Variants in BBS9 observed in about 807,000 individuals in gnomAD.
BBS9 encodes the protein protein PTHB1.
In BBS9, 89 loss-of-function variants were observed where a neutral mutation model predicts 117.7. The ratio of observed to expected loss-of-function variants is 0.76; its 90% CI spans 0.64 to 0.90. The LOEUF is 0.90. Among genes scored for constraint, BBS9 ranks in the 40% least tolerant of loss-of-function variants. BBS9 has a pLI of 0.00. For synonymous variants in BBS9, 379 were observed against 370.9 expected, an observed-to-expected ratio of 1.02 and a Z score of -0.25; for missense variants, 982 against 1,042.2, an observed-to-expected ratio of 0.94 and a Z score of 0.80.
intron 21 of BBS9, among the ~76,000 whole-genome samples, chr7:33,589,388 T>G (rs1861493423): frequency 2.0e-5 from 3 of 152,122 alleles, no homozygotes; most frequent in Non-Finnish European, 4.4e-5. Context: ...TCTGGAATTT[T>G]TTATTTAATA....
chr7:33,170,563 C>T (rs1415970373), intron 4 of BBS9, among the ~76,000 whole-genome samples: 1 of 150,632 alleles, frequency 6.6e-6, no homozygotes, highest in Admixed American at 6.6e-5. Flanking sequence ...TGCCCTCTCT[C>T]ACCACTCCTA....
In BBS9 at chr7:33,273,956, A is replaced by G. The variant is rs763593328; in HGVS notation, c.1016A>G (p.His339Arg). ...IPVAVRVGCL[H>R]DLKGVIVTLS... ...GTAGCAGTAAGAGTGGGCTGTTTGC[A>G]GTAAGTGATTTAATTTAACACAGTT... The change falls in exon 9 of 23, where the codon CAT becomes CGT. Residue 339 changes from histidine (H) to arginine (R), a missense_variant and splice_region_variant. Physicochemically the swap from His to Arg is conservative, Grantham distance 29. Transcript: ENST00000242067. 1.2e-6 allele frequency: 2 copies of G among 1,613,758 alleles called. No individual in the cohort carries two copies. Among genetic ancestry groups the G allele is most frequent in the South Asian group, 1.1e-5 (1 of 91,070 alleles).
chr7:33,529,800 A>C (rs1850285287), intron 20 of BBS9, among the ~76,000 whole-genome samples: 1 of 152,188 alleles, frequency 6.6e-6, no homozygotes, highest in Non-Finnish European at 1.5e-5. Context: ...ATATTTCCCA[A>C]ATTAAGATTT....
chr7:33,217,283 A>G (rs1789267293), intron 5 of BBS9, among the ~76,000 whole-genome samples: 1 of 151,958 alleles, frequency 6.6e-6, no homozygotes, highest in Non-Finnish European at 1.5e-5. Flanking sequence ...ATGTTGATGT[A>G]TTTATGGTAT....
At chr7:33,488,700 A>G (rs895470668) in intron 19 of BBS9, among the ~76,000 whole-genome samples, 1 of 152,210 alleles carries the variant, frequency 6.6e-6, no homozygotes, top group Non-Finnish European at 1.5e-5. Flanking sequence ...CTCAAAAAAC[A>G]TGTAATCTAA....
intron 19 of BBS9, among the ~76,000 whole-genome samples, chr7:33,400,649 A>T (rs930295016): frequency 4.6e-5 from 7 of 152,206 alleles, no homozygotes; most frequent in African/African-American, 1.7e-4. Flanking sequence ...TCAGCAAAAG[A>T]AAAAGATGTA....
At chr7:33,138,049 C>A (rs1236935754) in intron 1 of BBS9, among the ~76,000 whole-genome samples, 2 of 152,146 alleles carry the variant, frequency 1.3e-5, no homozygotes, top group Non-Finnish European at 2.9e-5. Flanking sequence ...ATAAAGCAAA[C>A]AAACAACACA....
At chr7:33,200,037 T>C (rs1785581990) in intron 5 of BBS9, among the ~76,000 whole-genome samples, 1 of 151,920 alleles carries the variant, frequency 6.6e-6, no homozygotes, top group Non-Finnish European at 1.5e-5. Context: ...GATGGTTCAC[T>C]CCTTATCTCT....
chr7:33,246,746 G>T (rs934983549), intron 5 of BBS9, among the ~76,000 whole-genome samples: 1 of 152,054 alleles, frequency 6.6e-6, no homozygotes, highest in African/African-American at 2.4e-5. Flanking sequence ...GAGTCATCCT[G>T]TAAGAAAATA....
intron 9 of BBS9, among the ~76,000 whole-genome samples, chr7:33,303,612 G>A (rs1164904221): frequency 7.3e-6 from 1 of 137,340 alleles, no homozygotes; most frequent in African/African-American, 2.8e-5. Flanking sequence ...TCCCTGCCTC[G>A]GGCTCCCATG....
At chr7:33,377,558 C>T (rs1467445765) in intron 17 of BBS9, among the ~76,000 whole-genome samples, 1 of 152,010 alleles carries the variant, frequency 6.6e-6, no homozygotes, top group Non-Finnish European at 1.5e-5. Context: ...CTCTTGAAGA[C>T]TGTCATTGGT....
At chr7:33,572,790 T>C (rs1858038749) in intron 21 of BBS9, among the ~76,000 whole-genome samples, 1 of 152,094 alleles carries the variant, frequency 6.6e-6, no homozygotes, top group South Asian at 2.1e-4. Flanking sequence ...AATTGGATTT[T>C]CTTTCTTTTT....
At chr7:33,492,222 A>AAAC (rs1844067848) in intron 19 of BBS9, among the ~76,000 whole-genome samples, 1 of 143,292 alleles carries the variant, frequency 7.0e-6, no homozygotes, top group Admixed American at 7.0e-5. Flanking sequence ...AACAAAAAAA[A>AAAC]AACAAAAAAA....
intron 19 of BBS9, among the ~76,000 whole-genome samples, chr7:33,418,450 C>T (rs1032612991): frequency 2.6e-4 from 39 of 152,160 alleles, no homozygotes; most frequent in African/African-American, 8.9e-4. Flanking sequence ...AGCTCAGACT[C>T]GTGTTCTATT....
chr7:33,613,522 G>A (rs757768631), intron 21 of BBS9, among the ~76,000 whole-genome samples: 1 of 151,948 alleles, frequency 6.6e-6, no homozygotes, highest in Non-Finnish European at 1.5e-5. Context: ...AAGGCTGTGA[G>A]GGGAGGGTTG....
At chr7:33,205,670 C>A (rs568394242) in intron 5 of BBS9, among the ~76,000 whole-genome samples, 1 of 152,218 alleles carries the variant, frequency 6.6e-6, no homozygotes, top group Non-Finnish European at 1.5e-5. Flanking sequence ...AGTGAAGCAG[C>A]AAGGGTAGAT....
intron 9 of BBS9, among the ~76,000 whole-genome samples, chr7:33,304,735 C>T (rs181325980): frequency 1.5e-4 from 23 of 152,048 alleles, no homozygotes; most frequent in Non-Finnish European, 1.9e-4. Flanking sequence ...CAGATTGTTA[C>T]TGTGTCTGTG....
intron 20 of BBS9, 112 bp from the exon 21 acceptor site, chr7:33,533,842 C>A: frequency 7.9e-7 from 1 of 1,263,298 alleles, no homozygotes; most frequent in Non-Finnish European, 1.1e-6. Context: ...CCACACTCTT[C>A]ACAGGTTCCC....
At chr7:33,629,594 A>G (rs1489825261) in intron 21 of BBS9, among the ~76,000 whole-genome samples, 3 of 152,158 alleles carry the variant, frequency 2.0e-5, no homozygotes, top group Non-Finnish European at 4.4e-5. Flanking sequence ...GCTGAAATGT[A>G]TAACTCGTTT....
Sources: gnomAD v4.1 joint callset for allele counts (sites outside exome capture counted in the v4.1 genomes callset) on GRCh38, gnomAD v4.1.1 for gene constraint, MANE v1.5 for transcripts, NCBI Gene and HGNC (gene_info 2026-07-23, HGNC 2026-07-21) for gene names.